The following TLN2 variants were observed in gnomAD, a reference collection of about 807,000 sequenced individuals.
TLN2 encodes the protein talin-2.
TLN2 carries 118 observed loss-of-function variants against 294.7 expected under a neutral mutation model. The ratio of observed to expected loss-of-function variants is 0.40; its 90% CI spans 0.34 to 0.47. TLN2 has a LOEUF of 0.47. Among genes scored for constraint, TLN2 ranks in the 20% least tolerant of loss-of-function variants. TLN2 has a pLI of 0.84. For synonymous variants in TLN2, 1,431 were observed against 1,304.5 expected (o/e 1.10, Z -2.09); for missense variants, 3,083 against 3,282.2 (o/e 0.94, Z 1.48).
chr15:62,663,337 A>G (rs2054124973), intron 9 of TLN2, among the ~76,000 whole-genome samples: 1 of 152,220 alleles, frequency 6.6e-6, no homozygotes, highest in South Asian at 2.1e-4. Flanking sequence ...AGTCTAAACA[A>G]GTATGATAAT....
intron 1 of TLN2, among the ~76,000 whole-genome samples, chr15:62,395,809 ATGTT>A (rs1302312795): frequency 6.6e-6 from 1 of 152,112 alleles, no homozygotes; most frequent in East Asian, 1.9e-4. Flanking sequence ...TATCATATGT[ATGTT>A]GCATGACCGT....
At chr15:62,819,770 G>T (rs750032168) in intron 53 of TLN2, 149 bp downstream of exon 53, 4 of 631,150 alleles carry the variant, frequency 6.3e-6, no homozygotes, top group Non-Finnish European at 1.1e-5. Flanking sequence ...CAAGCAAATG[G>T]GTTTAGAGTT....
At chr15:62,825,882 A>ATATATATAT (rs1428514657) in intron 54 of TLN2, among the ~76,000 whole-genome samples, 1 of 111,984 alleles carries the variant, frequency 8.9e-6, no homozygotes, top group African/African-American at 3.9e-5. Context: ...ATATATATAT[A>ATATATATAT]ATAAGTCAGG....
At chr15:62,818,471 G>A (rs1007054321) in intron 52 of TLN2, among the ~76,000 whole-genome samples, 27 of 152,208 alleles carry the variant, frequency 1.8e-4, no homozygotes, top group African/African-American at 4.6e-4. Flanking sequence ...ATCCTGTGTC[G>A]TGGTTCCATT....
chr15:62,532,531 G>T (rs1220598937), intron 1 of TLN2, among the ~76,000 whole-genome samples: 3 of 152,194 alleles, frequency 2.0e-5, no homozygotes, highest in Non-Finnish European at 4.4e-5. Context: ...CACTGTCCCT[G>T]TTGGCAGCCA....
At chr15:62,667,550 C>T (rs1229301661) in intron 9 of TLN2, among the ~76,000 whole-genome samples, 1 of 152,146 alleles carries the variant, frequency 6.6e-6, no homozygotes, top group African/African-American at 2.4e-5. Flanking sequence ...ACAAATGAGG[C>T]GACATCCCTT....
chr15:62,602,955 C>T (rs934904786), intron 2 of TLN2, among the ~76,000 whole-genome samples: 11 of 151,312 alleles, frequency 7.3e-5, no homozygotes, highest in African/African-American at 2.7e-4. Context: ...TGCAGTGGCG[C>T]GATCTTGGCT....
At chr15:62,487,884 C>T (rs779383940) in intron 1 of TLN2, among the ~76,000 whole-genome samples, 1 of 151,764 alleles carries the variant, frequency 6.6e-6, no homozygotes, top group African/African-American at 2.4e-5. Context: ...GCCTGGGAAA[C>T]AGAGTGAGAA....
intron 24 of TLN2, among the ~76,000 whole-genome samples, chr15:62,719,084 CATT>C (rs1173065615): frequency 3.9e-5 from 6 of 152,294 alleles, no homozygotes; most frequent in African/African-American, 1.4e-4. Flanking sequence ...CTGAGAGCCT[CATT>C]AACCAGAGAA....
intron 13 of TLN2, among the ~76,000 whole-genome samples, chr15:62,693,650 A>G (rs2058094388): frequency 6.6e-6 from 1 of 151,902 alleles, no homozygotes; most frequent in African/African-American, 2.4e-5. Context: ...CCATAGTGGT[A>G]TATAGAAAAA....
At chr15:62,510,907 A>G (rs2039897690) in intron 1 of TLN2, among the ~76,000 whole-genome samples, 1 of 152,282 alleles carries the variant, frequency 6.6e-6, no homozygotes, top group African/African-American at 2.4e-5. Context: ...AAAGAATTGT[A>G]TCTGGAATGA....
At chr15:62,758,280 G>A (rs1028066172) in intron 37 of TLN2, among the ~76,000 whole-genome samples, 1 of 152,126 alleles carries the variant, frequency 6.6e-6, no homozygotes, top group Non-Finnish European at 1.5e-5. Context: ...AGGGCTCCAC[G>A]AGAATCCATT....
At chr15:62,467,873 T>A (rs1209467350) in intron 1 of TLN2, among the ~76,000 whole-genome samples, 1 of 152,176 alleles carries the variant, frequency 6.6e-6, no homozygotes, top group East Asian at 1.9e-4. Flanking sequence ...GATAATTTTA[T>A]AATCCCTGCG....
intron 2 of TLN2, among the ~76,000 whole-genome samples, chr15:62,590,357 CCCCATTGTTTCCGTGTGT>C (rs2045984813): frequency 6.6e-6 from 1 of 152,120 alleles, no homozygotes; most frequent in Non-Finnish European, 1.5e-5. Context: ...CTCCTCTCTT[CCCCATTGTTTCCGTGTGT>C]TCTCATCATT....
chr15:62,819,418 A>T (rs955225375), intron 52 of TLN2, 98 bp from the exon 53 acceptor site: 7 of 991,478 alleles, frequency 7.1e-6, no homozygotes, highest in South Asian at 1.4e-5. Flanking sequence ...ACTTAAAACC[A>T]GGCTGCCTGA....
At chr15:62,561,832 T>A (rs2042987341) in intron 1 of TLN2, among the ~76,000 whole-genome samples, 1 of 152,174 alleles carries the variant, frequency 6.6e-6, no homozygotes, top group Non-Finnish European at 1.5e-5. Flanking sequence ...TGCAGTATCC[T>A]GCTCCCTACC....
chr15:62,724,928 A>G, intron 26 of TLN2, 48 bp from the exon 27 acceptor site: 1 of 1,568,668 alleles, frequency 6.4e-7, no homozygotes, highest in Non-Finnish European at 8.7e-7. Context: ...TGTTGGGGAC[A>G]CTTTTCCCAA....
At chr15:62,718,507 G>A (rs907092335) in intron 24 of TLN2, among the ~76,000 whole-genome samples, 1 of 152,234 alleles carries the variant, frequency 6.6e-6, no homozygotes, top group African/African-American at 2.4e-5. Flanking sequence ...TCCCACTTCA[G>A]AAATGGCCTT....
chr15:62,681,825 C>CT (rs2056857810), intron 11 of TLN2, among the ~76,000 whole-genome samples: 1 of 152,180 alleles, frequency 6.6e-6, no homozygotes, highest in African/African-American at 2.4e-5. Flanking sequence ...CGATCTCACT[C>CT]TGTCACCCAG....
Sources: allele counts gnomAD v4.1 joint callset (sites outside exome capture counted in the v4.1 genomes callset), GRCh38; gene constraint gnomAD v4.1.1; transcripts MANE v1.5; gene names NCBI Gene and HGNC (gene_info 2026-07-23, HGNC 2026-07-21).